NIT2: variants seen among roughly 807,000 people sequenced by gnomAD.
The protein encoded by NIT2 is nitrilase family member 2.
A neutral mutation model predicts 42.7 loss-of-function variants in NIT2; 46 were observed. That is an observed-to-expected ratio of 1.08 (90% CI 0.85 to 1.38). The LOEUF (loss-of-function observed/expected upper bound fraction) is 1.38, where lower values mean the gene tolerates loss of function less well. NIT2 is among the 40% of genes most tolerant of loss of function. The probability of loss-of-function intolerance (pLI) is 0.00; values close to 1 mark genes in which losing one functional copy is unlikely to be tolerated. For synonymous variants in NIT2, 123 were observed against 121.9 expected (o/e 1.01, Z -0.06); for missense variants, 309 against 342.5 (o/e 0.90, Z 0.77).
chr3:100,347,897 C>CTTT (rs35843153), intron 6 of NIT2, among the ~76,000 whole-genome samples: 2 of 145,952 alleles, frequency 1.4e-5, no homozygotes, highest in African/African-American at 5.0e-5. Context: ...TATGGGTTTC[C>CTTT]TTTTTTTTTT....
chr3:100,344,534 G>T (rs758012956), intron 4 of NIT2, among the ~76,000 whole-genome samples: 1 of 152,046 alleles, frequency 6.6e-6, no homozygotes, highest in South Asian at 2.1e-4. Flanking sequence ...CATTTATTAC[G>T]CTTTCTTTAC....
At chr3:100,339,236 C>A in intron 2 of NIT2, 31 bp downstream of exon 2, 1 of 1,310,352 alleles carries the variant, frequency 7.6e-7, no homozygotes, top group Non-Finnish European at 1.1e-6. Flanking sequence ...TCTGTTCTAG[C>A]CACTGTACAC....
At chr3:100,338,966 C>A in intron 1 of NIT2, 121 bp from the exon 2 acceptor site, 1 of 744,230 alleles carries the variant, frequency 1.3e-6, no homozygotes, top group Non-Finnish European at 2.4e-6. Flanking sequence ...TCAAAGGTAT[C>A]TTCAGACATT....
At chr3:100,344,414 A>G (rs1706189209) in intron 4 of NIT2, among the ~76,000 whole-genome samples, 1 of 152,226 alleles carries the variant, frequency 6.6e-6, no homozygotes, top group Non-Finnish European at 1.5e-5. Context: ...GATAGGAGCT[A>G]CTGTGTACCT....
intron 7 of NIT2, 124 bp downstream of exon 7, chr3:100,349,005 C>T: frequency 1.4e-6 from 1 of 734,882 alleles, no homozygotes. Flanking sequence ...GCCCTTGTAT[C>T]CAAATGCAGT....
chr3:100,341,363 G>A (rs1237447574), intron 4 of NIT2, among the ~76,000 whole-genome samples: 2 of 152,058 alleles, frequency 1.3e-5, no homozygotes, highest in Non-Finnish European at 2.9e-5. Flanking sequence ...TTCTGCAAAG[G>A]AACAAGCTAT....
At chr3:100,352,165 C>T (rs1220799854) in intron 7 of NIT2, among the ~76,000 whole-genome samples, 1 of 152,198 alleles carries the variant, frequency 6.6e-6, no homozygotes, top group African/African-American at 2.4e-5. Context: ...GTTGGTGGGA[C>T]TGTAAACTAG....
chr3:100,342,121 CT>C (rs940039494), intron 4 of NIT2, among the ~76,000 whole-genome samples: 1 of 151,924 alleles, frequency 6.6e-6, no homozygotes, highest in Non-Finnish European at 1.5e-5. Flanking sequence ...TGAAATATCT[CT>C]TTTTTTTCTT....
intron 6 of NIT2, among the ~76,000 whole-genome samples, chr3:100,347,624 C>G (rs1706230467): frequency 2.0e-5 from 3 of 151,118 alleles, no homozygotes; most frequent in Non-Finnish European, 4.4e-5. Context: ...GAGATGGGGT[C>G]TCTCTATGTC....
intron 8 of NIT2, among the ~76,000 whole-genome samples, chr3:100,354,261 A>G (rs921544026): frequency 6.6e-6 from 1 of 152,260 alleles, no homozygotes; most frequent in Admixed American, 6.5e-5. Context: ...GGGTTCAGGT[A>G]TCACAGCCAC....
At chr3:100,344,837 G>A (rs1706195519) in intron 4 of NIT2, among the ~76,000 whole-genome samples, 2 of 151,912 alleles carry the variant, frequency 1.3e-5, no homozygotes, top group South Asian at 4.2e-4. Context: ...GTAGAGACGG[G>A]GTTTCACCAT....
At chr3:100,348,562 A>G (rs771709376) in intron 6 of NIT2, among the ~76,000 whole-genome samples, 4 of 152,172 alleles carry the variant, frequency 2.6e-5, no homozygotes, top group Non-Finnish European at 4.4e-5. Flanking sequence ...TCAAAGTCAC[A>G]TGTGATTTTG....
In NIT2 at chr3:100,359,597, C is replaced by G. The variant is rs1261828711; in HGVS notation, c.*4329C>G. 6.6e-6 allele frequency: 1 copy of G among 152,222 alleles called. No homozygotes were observed. The highest frequency in any genetic ancestry group is 2.4e-5 in the African/African-American group (1 of 41,452). The allele number at this position is 152,222 out of a possible 1,614,324, so 9.4% of individuals were successfully genotyped here. The stretch of plus-strand genomic sequence containing the variant: ...TCAACACCATTGGTGTGACCTTGCT[C>G]ATACTGCCTCTCTCACCACTTAACA... On this transcript the variant is annotated 3_prime_UTR_variant, in exon 10 of 10. Transcript: ENST00000394140.
At position 100,357,924 on chromosome 3, in the gene NIT2, G is replaced by A. The variant is rs1706338824; in HGVS notation, c.*2656G>A. The A allele has an allele frequency of 6.6e-6, 1 of 152,016 alleles. No homozygotes were observed. Among genetic ancestry groups the A allele is most frequent in the Admixed American group, 6.6e-5 (1 of 15,240 alleles). The allele number at this position is 152,016 out of a possible 1,614,324, so 9.4% of individuals were successfully genotyped here. A position where few individuals can be genotyped will look rare whatever the true frequency, so the allele number is the denominator to read the frequency against. ...CCCAAAATGCTAGGATTAGAGGCGT[G>A]AGCCACCGCGCCCGGCCTAATTTTT... is the stretch of plus-strand genomic sequence containing the variant. On this transcript the variant is annotated 3_prime_UTR_variant, in exon 10 of 10. Coordinates refer to ENST00000394140, the MANE Select transcript of NIT2 (RefSeq NM_020202.5).
chr3:100,340,057 G>T, intron 3 of NIT2, 122 bp downstream of exon 3: 1 of 756,728 alleles, frequency 1.3e-6, no homozygotes, highest in Non-Finnish European at 2.1e-6. Flanking sequence ...CTGAAGCAGA[G>T]AGTTTCTTTT....
At chr3:100,348,913 G>T in intron 7 of NIT2, 32 bp downstream of exon 7, 1 of 1,584,012 alleles carries the variant, frequency 6.3e-7, no homozygotes, top group Non-Finnish European at 8.7e-7. Flanking sequence ...CAAGCCTCTC[G>T]GCATGTCCTC....
rs1477380501 is a variant in NIT2 at position 100,358,473 on chromosome 3, T to C, written c.*3205T>C. The C allele has an allele frequency of 6.6e-6, 1 of 152,220 alleles. No homozygotes were observed. The highest frequency in any genetic ancestry group is 1.5e-5 in the Non-Finnish European group (1 of 68,042). 9.4% of individuals were successfully genotyped at this position (152,220 alleles called of 1,614,324 possible). On this transcript the variant is annotated 3_prime_UTR_variant, in exon 10 of 10. Coordinates refer to ENST00000394140, the MANE Select transcript of NIT2 (RefSeq NM_020202.5). ...CTATCACAAGTTGTGAACCTCTATC[T>C]CTTGCAGTTTAGGTAAGGCAACACA...
chr3:100,335,137 T>G, intron 1 of NIT2: 1 of 365,590 alleles, frequency 2.7e-6, no homozygotes, highest in Non-Finnish European at 5.4e-6. Flanking sequence ...CCTTGGGTGT[T>G]TTCAAGTTGC....
intron 1 of NIT2, among the ~76,000 whole-genome samples, chr3:100,338,175 G>A (rs1156267064): frequency 1.3e-5 from 2 of 152,346 alleles, no homozygotes; most frequent in African/African-American, 4.8e-5. Context: ...CTACCTCCAG[G>A]AAGAAATAAG....
Sources: gnomAD v4.1 joint callset for allele counts (sites outside exome capture counted in the v4.1 genomes callset) on GRCh38, gnomAD v4.1.1 for gene constraint, MANE v1.5 for transcripts, NCBI Gene and HGNC (gene_info 2026-07-23, HGNC 2026-07-21) for gene names.